KDM4C: variants seen among roughly 807,000 people sequenced by gnomAD.
KDM4C encodes the protein lysine demethylase 4C, also known as lysine-specific demethylase 4C.
In KDM4C, 81 loss-of-function variants were observed where a neutral mutation model predicts 129.3. The observed-to-expected ratio is 0.63, with a 90% CI of 0.52 to 0.75. The LOEUF is 0.75. Among genes scored for constraint, KDM4C ranks in the 30% least tolerant of loss-of-function variants. The probability of loss-of-function intolerance (pLI) is 0.00; values close to 1 mark genes in which losing one functional copy is unlikely to be tolerated. For missense variants in KDM4C, 1,457 were observed against 1,304.0 expected (o/e 1.12, Z -1.81); for synonymous variants, 573 against 456.1 (o/e 1.26, Z -3.26).
intron 19 of KDM4C, among the ~76,000 whole-genome samples, chr9:7,129,513 C>T (rs1455966918): frequency 1.3e-5 from 2 of 152,172 alleles, no homozygotes; most frequent in Admixed American, 6.5e-5. Context: ...ACATACTCCC[C>T]TTGTTAGAAT....
intron 11 of KDM4C, among the ~76,000 whole-genome samples, chr9:6,988,344 C>G (rs562850048): frequency 6.6e-6 from 1 of 152,068 alleles, no homozygotes; most frequent in East Asian, 1.9e-4. Context: ...GATTTCTTTG[C>G]TCTCAAGGAA....
rs913675735 is a variant in KDM4C at position 7,076,440 on chromosome 9, C to A, written c.2424+27240C>A. 5.2e-6 allele frequency: 8 copies of A among 1,549,182 alleles called. No individual in the cohort carries two copies. The African/African-American group carries it at 9.6e-5, about 19-fold the overall frequency. The stretch of plus-strand genomic sequence containing the variant: ...TTTGCATTGTGTTTTTCAGGGAAGG[C>A]TGGGAATCTAGACACAGCAACAGTA... On this transcript the variant is annotated intron_variant, in intron 17 of 21. Transcript: ENST00000381309.
intron 15 of KDM4C, among the ~76,000 whole-genome samples, chr9:7,033,898 C>G (rs1263086858): frequency 6.6e-6 from 1 of 152,102 alleles, no homozygotes; most frequent in East Asian, 1.9e-4. Context: ...AGGCACATCT[C>G]TTTTGCAATG....
chr9:6,728,306 C>T (rs113200701), intron 1 of KDM4C, among the ~76,000 whole-genome samples: 1 of 151,976 alleles, frequency 6.6e-6, no homozygotes, highest in Non-Finnish European at 1.5e-5. Context: ...GAGGCCAAGG[C>T]GGGTGGATCA....
At chr9:6,764,502 A>G (rs1047799235) in intron 1 of KDM4C, among the ~76,000 whole-genome samples, 2 of 152,202 alleles carry the variant, frequency 1.3e-5, no homozygotes, top group Non-Finnish European at 2.9e-5. Context: ...AACTTGTACT[A>G]TGTGCCATAC....
intron 8 of KDM4C, among the ~76,000 whole-genome samples, chr9:6,941,401 T>C (rs1405083227): frequency 3.3e-5 from 5 of 152,226 alleles, no homozygotes; most frequent in South Asian, 2.1e-4. Context: ...TTGTTTCTTA[T>C]AGATGCTGTA....
At chr9:7,144,122 TTG>T (rs1354700111) in intron 19 of KDM4C, among the ~76,000 whole-genome samples, 1 of 151,984 alleles carries the variant, frequency 6.6e-6, no homozygotes, top group Non-Finnish European at 1.5e-5. Flanking sequence ...GTTTTTGTTT[TTG>T]TTTTTTTTGT....
intron 8 of KDM4C, among the ~76,000 whole-genome samples, chr9:6,913,559 C>G (rs1187121449): frequency 6.6e-6 from 1 of 152,226 alleles, no homozygotes; most frequent in Non-Finnish European, 1.5e-5. Context: ...ACCTATACCT[C>G]TTCTCTGAAG....
intron 8 of KDM4C, among the ~76,000 whole-genome samples, chr9:6,964,323 A>G (rs1830534061): frequency 6.6e-6 from 1 of 150,788 alleles, no homozygotes; most frequent in Non-Finnish European, 1.5e-5. Context: ...CCCACCTATG[A>G]GTGAGAACAT....
At chr9:6,907,777 G>A (rs941157273) in intron 8 of KDM4C, among the ~76,000 whole-genome samples, 7 of 152,116 alleles carry the variant, frequency 4.6e-5, no homozygotes, top group Admixed American at 4.6e-4. Context: ...AGATAAAATG[G>A]CGTTCTTTAT....
At chr9:7,068,017 C>T (rs1325136213) in intron 17 of KDM4C, among the ~76,000 whole-genome samples, 3 of 152,116 alleles carry the variant, frequency 2.0e-5, no homozygotes, top group Non-Finnish European at 4.4e-5. Flanking sequence ...AGGATGGTCT[C>T]GATCTCCTGA....
intron 3 of KDM4C, among the ~76,000 whole-genome samples, chr9:6,807,307 G>A (rs1830183781): frequency 2.0e-5 from 3 of 150,420 alleles, no homozygotes; most frequent in South Asian, 2.1e-4. Context: ...CCGCCAACCC[G>A]TCTGGGAAGT....
At chr9:6,871,583 A>G (rs1842829634) in intron 5 of KDM4C, among the ~76,000 whole-genome samples, 1 of 152,230 alleles carries the variant, frequency 6.6e-6, no homozygotes, top group Non-Finnish European at 1.5e-5. Flanking sequence ...GCTTAAATGA[A>G]TAATTATTAA....
intron 18 of KDM4C, 111 bp from the exon 19 acceptor site, chr9:7,127,955 A>T: frequency 8.7e-6 from 9 of 1,032,804 alleles, no homozygotes; most frequent in Admixed American, 3.8e-5. Context: ...TTTTTTTTTT[A>T]AATCTTGGCC....
At chr9:6,891,224 C>T (rs1370944210) in intron 7 of KDM4C, among the ~76,000 whole-genome samples, 2 of 151,934 alleles carry the variant, frequency 1.3e-5, no homozygotes, top group Non-Finnish European at 2.9e-5. Context: ...ATCCATAGCA[C>T]CATTATTCCT....
intron 8 of KDM4C, among the ~76,000 whole-genome samples, chr9:6,969,803 C>G (rs191269958): frequency 6.6e-6 from 1 of 152,300 alleles, no homozygotes; most frequent in Admixed American, 6.5e-5. Flanking sequence ...TTAAGTGCAT[C>G]GATTCTGCCT....
At chr9:7,101,426 T>C (rs943967149) in intron 17 of KDM4C, among the ~76,000 whole-genome samples, 6 of 152,206 alleles carry the variant, frequency 3.9e-5, no homozygotes, top group Non-Finnish European at 7.3e-5. Context: ...TCGCAATGGC[T>C]CCCCTCATAG....
intron 1 of KDM4C, among the ~76,000 whole-genome samples, chr9:6,733,885 A>G (rs1817435200): frequency 6.6e-6 from 1 of 152,132 alleles, no homozygotes; most frequent in Non-Finnish European, 1.5e-5. Flanking sequence ...AGCTTTTGTA[A>G]ACTGTCATGG....
At chr9:6,932,342 T>C (rs1226203252) in intron 8 of KDM4C, among the ~76,000 whole-genome samples, 1 of 152,206 alleles carries the variant, frequency 6.6e-6, no homozygotes, top group African/African-American at 2.4e-5. Context: ...AATTAGGGTT[T>C]GGATCATATT....
Sources: allele counts gnomAD v4.1 joint callset (sites outside exome capture counted in the v4.1 genomes callset), GRCh38; gene constraint gnomAD v4.1.1; transcripts MANE v1.5; gene names NCBI Gene and HGNC (gene_info 2026-07-23, HGNC 2026-07-21).